The following SPECC1 variants were observed in gnomAD, a reference collection of about 807,000 sequenced individuals.
The protein encoded by SPECC1 is sperm antigen with calponin homology and coiled-coil domains 1, also known as cytospin-B.
SPECC1 carries 62 observed loss-of-function variants against 104.1 expected under a neutral mutation model. That is an observed-to-expected ratio of 0.60 (90% CI 0.49 to 0.74). SPECC1 has a LOEUF of 0.74. Among genes scored for constraint, SPECC1 ranks in the 30% least tolerant of loss-of-function variants. The pLI, the probability that SPECC1 is intolerant of heterozygous loss-of-function variation, is 0.00. For synonymous variants in SPECC1, 513 were observed against 501.6 expected (o/e 1.02, Z -0.30); for missense variants, 1,306 against 1,310.5 (o/e 1.00, Z 0.05).
At chr17:20,303,642 A>C (rs181577580) in intron 13 of SPECC1, among the ~76,000 whole-genome samples, 11 of 152,326 alleles carry the variant, frequency 7.2e-5, no homozygotes, top group African/African-American at 2.2e-4. Flanking sequence ...ATTATGTATA[A>C]AATCTAAACA....
intron 3 of SPECC1, among the ~76,000 whole-genome samples, chr17:20,190,612 G>C (rs1247206950): frequency 6.6e-6 from 1 of 152,150 alleles, no homozygotes; most frequent in Non-Finnish European, 1.5e-5. Flanking sequence ...TCCAATCAGT[G>C]AACCCACACC....
chr17:20,205,317 A>G lies in SPECC1; in HGVS notation c.1268A>G (p.Glu423Gly). The change falls in exon 4 of 15, where the codon GAG (glutamate) becomes GGG (glycine). Residue 423 changes from glutamate to glycine, a missense_variant. By Grantham distance (98) the Glu-to-Gly change is moderately conservative (BLOSUM62 -2). Transcript: ENST00000395527. ...CTGGTGGATGAAAAGACGATTTTAG[A>G]GACATCCTTTCATCAGCATCGAGAG... Reference protein sequence around the residue: ...EKLVDEKTILETSFHQHRERA... With the variant: ...EKLVDEKTILGTSFHQHRERA... 6.2e-7 allele frequency: 1 copy of G among 1,614,240 alleles called. No homozygotes were observed.
chr17:20,156,134 G>A, intron 3 of SPECC1: 1 of 1,393,510 alleles, frequency 7.2e-7, no homozygotes, highest in Admixed American at 3.5e-5. Context: ...GCCAGCGCGA[G>A]CTCGGCACGG....
intron 1 of SPECC1, among the ~76,000 whole-genome samples, chr17:20,082,309 C>G (rs528624276): frequency 2.6e-5 from 4 of 152,252 alleles, no homozygotes; most frequent in Non-Finnish European, 1.5e-5. Flanking sequence ...CATTAATTTT[C>G]TCACAGTACT....
intron 3 of SPECC1, among the ~76,000 whole-genome samples, chr17:20,154,044 G>A (rs1179486633): frequency 1.3e-5 from 2 of 152,176 alleles, no homozygotes; most frequent in African/African-American, 4.8e-5. Context: ...CGCTAGTTTT[G>A]TGGCAGAAAC....
intron 3 of SPECC1, among the ~76,000 whole-genome samples, chr17:20,177,491 T>G (rs2034551016): frequency 6.6e-6 from 1 of 152,180 alleles, no homozygotes; most frequent in African/African-American, 2.4e-5. Context: ...TTCTGTGTAG[T>G]GTCATTATTG....
At chr17:20,195,568 T>G (rs866110254) in intron 3 of SPECC1, among the ~76,000 whole-genome samples, 44 of 152,062 alleles carry the variant, frequency 2.9e-4, no homozygotes, top group African/African-American at 1.0e-3. Context: ...CAATTTTTTT[T>G]TTTTTTTGAG....
chr17:20,034,575 G>T (rs565207693), intron 1 of SPECC1, among the ~76,000 whole-genome samples: 31 of 150,358 alleles, frequency 2.1e-4, no homozygotes, highest in African/African-American at 7.6e-4. Context: ...TCTTTACCTC[G>T]CCTTACATCC....
At chr17:20,214,517 T>C (rs1045543375) in intron 4 of SPECC1, among the ~76,000 whole-genome samples, 4 of 152,158 alleles carry the variant, frequency 2.6e-5, no homozygotes, top group Admixed American at 6.5e-5. Flanking sequence ...TATTTACTTA[T>C]TTATTTTTGA....
At chr17:20,041,357 C>A (rs2045320005) in intron 1 of SPECC1, among the ~76,000 whole-genome samples, 1 of 151,852 alleles carries the variant, frequency 6.6e-6, no homozygotes, top group Non-Finnish European at 1.5e-5. Context: ...ATTCTCCTGC[C>A]TCGGCCTCCT....
rs2142032722 is a variant in SPECC1 at position 20,297,071 on chromosome 17, G to A, written c.3051G>A (p.Gln1017=). The A allele has an allele frequency of 6.2e-7, 1 of 1,613,878 alleles. No homozygotes were observed. Among genetic ancestry groups the A allele is most frequent in the East Asian group, 2.2e-5 (1 of 44,882 alleles). ...AHIPYQELNS[Q]EKKRNLLLAF... ...TCCCCTACCAGGAGCTGAATAGTCA[G>A]GAGAAAGTAAGTCATGGCCCTGTCA... The change falls in exon 13 of 15, where the codon CAG becomes CAA. Residue 1017 remains glutamine, a synonymous_variant. Transcript: ENST00000395527.
At chr17:20,098,608 A>C (rs1251998563) in intron 2 of SPECC1, among the ~76,000 whole-genome samples, 1 of 152,188 alleles carries the variant, frequency 6.6e-6, no homozygotes, top group African/African-American at 2.4e-5. Context: ...AGCTCCAGCC[A>C]CACGTTCTGC....
intron 2 of SPECC1, among the ~76,000 whole-genome samples, chr17:20,105,114 G>A (rs531835411): frequency 1.3e-5 from 2 of 151,870 alleles, no homozygotes; most frequent in African/African-American, 4.8e-5. Flanking sequence ...GTGGGGGGGC[G>A]GGAGACAGGG....
At chr17:20,034,095 C>CTTTT (rs34012755) in intron 1 of SPECC1, among the ~76,000 whole-genome samples, 4 of 144,840 alleles carry the variant, frequency 2.8e-5, no homozygotes, top group African/African-American at 5.1e-5. Flanking sequence ...GTTTGATATT[C>CTTTT]TTTTTTTTTT....
intron 3 of SPECC1, among the ~76,000 whole-genome samples, chr17:20,139,280 A>G (rs1477077317): frequency 1.3e-5 from 2 of 152,186 alleles, no homozygotes; most frequent in African/African-American, 4.8e-5. Context: ...TCGGATCCCA[A>G]CTTGCCCGTT....
At chr17:20,059,172 G>T (rs1438468997) in intron 1 of SPECC1, among the ~76,000 whole-genome samples, 1 of 151,858 alleles carries the variant, frequency 6.6e-6, no homozygotes, top group Non-Finnish European at 1.5e-5. Flanking sequence ...TTATTACATT[G>T]TAATATAGAA....
intron 4 of SPECC1, among the ~76,000 whole-genome samples, chr17:20,220,166 T>C (rs563601054): frequency 1.3e-5 from 2 of 152,324 alleles, no homozygotes; most frequent in East Asian, 1.9e-4. Flanking sequence ...CTGGGTCTTT[T>C]GTGGTTCCAT....
intron 12 of SPECC1, among the ~76,000 whole-genome samples, chr17:20,261,268 C>G (rs769853734): frequency 6.6e-6 from 1 of 151,794 alleles, no homozygotes; most frequent in East Asian, 1.9e-4. Context: ...TTTGGGAGGC[C>G]GAGGTGGGCA....
At chr17:20,098,114 A>G (rs1211782118) in intron 2 of SPECC1, among the ~76,000 whole-genome samples, 1 of 152,150 alleles carries the variant, frequency 6.6e-6, no homozygotes, top group Non-Finnish European at 1.5e-5. Flanking sequence ...CCTTTGTGAC[A>G]TCACCCTTGG....
Sources: gnomAD v4.1 joint callset for allele counts (sites outside exome capture counted in the v4.1 genomes callset) on GRCh38, gnomAD v4.1.1 for gene constraint, MANE v1.5 for transcripts, NCBI Gene and HGNC (gene_info 2026-07-23, HGNC 2026-07-21) for gene names.